The following SYT14 variants were observed in gnomAD, a reference collection of about 807,000 sequenced individuals.
SYT14 encodes synaptotagmin-14.
In SYT14, 32 loss-of-function variants were observed where a neutral mutation model predicts 74.2. That is an observed-to-expected ratio of 0.43 (90% CI 0.33 to 0.58). The LOEUF is 0.58. Among genes scored for constraint, SYT14 ranks in the 20% least tolerant of loss-of-function variants. SYT14 has a pLI of 0.05. For synonymous variants in SYT14, 298 were observed against 337.7 expected, an observed-to-expected ratio of 0.88 and a Z score of 1.29; for missense variants, 791 against 981.8, an observed-to-expected ratio of 0.81 and a Z score of 2.60.
At chr1:209,953,594 T>A (rs2078946416) in intron 2 of SYT14, among the ~76,000 whole-genome samples, 1 of 152,226 alleles carries the variant, frequency 6.6e-6, no homozygotes, top group Admixed American at 6.5e-5. Context: ...TACCTGGGTA[T>A]GAGAGGCATG....
chr1:210,088,934 G>A (rs1021945053), intron 5 of SYT14, among the ~76,000 whole-genome samples: 8 of 151,708 alleles, frequency 5.3e-5, no homozygotes, highest in African/African-American at 1.9e-4. Context: ...GAACATGCAG[G>A]TTTGTTACAT....
At chr1:209,973,268 AG>A (rs537737017) in intron 2 of SYT14, among the ~76,000 whole-genome samples, 23 of 151,802 alleles carry the variant, frequency 1.5e-4, no homozygotes, top group Non-Finnish European at 3.1e-4. Context: ...CGTGCAGGTT[AG>A]TTACACATGT....
intron 5 of SYT14, among the ~76,000 whole-genome samples, chr1:210,042,431 G>A (rs565158494): frequency 6.6e-6 from 1 of 152,152 alleles, no homozygotes; most frequent in Non-Finnish European, 1.5e-5. Flanking sequence ...TGAAGTCTTT[G>A]TCCATGCCTA....
At chr1:209,966,264 G>A (rs552655577) in intron 2 of SYT14, among the ~76,000 whole-genome samples, 2 of 152,034 alleles carry the variant, frequency 1.3e-5, no homozygotes, top group Non-Finnish European at 2.9e-5. Context: ...AACCATTCTT[G>A]AAGTGCAAGT....
chr1:210,076,417 A>G (rs1572257774), intron 5 of SYT14, among the ~76,000 whole-genome samples: 1 of 152,274 alleles, frequency 6.6e-6, no homozygotes, highest in Non-Finnish European at 1.5e-5. Flanking sequence ...TAAATCTTGT[A>G]CCCATGAGCA....
intron 1 of SYT14, among the ~76,000 whole-genome samples, chr1:209,944,823 A>G (rs1156532134): frequency 6.6e-6 from 1 of 152,104 alleles, no homozygotes; most frequent in Non-Finnish European, 1.5e-5. Context: ...AAAGTTAAAC[A>G]TTTATTTTGG....
chr1:210,058,010 A>T (rs958763935), intron 5 of SYT14, among the ~76,000 whole-genome samples: 1 of 152,232 alleles, frequency 6.6e-6, no homozygotes, highest in Non-Finnish European at 1.5e-5. Flanking sequence ...ATAGTGATGT[A>T]TAAGAAAGAT....
At chr1:210,071,228 A>G (rs1337743426) in intron 5 of SYT14, among the ~76,000 whole-genome samples, 2 of 99,780 alleles carry the variant, frequency 2.0e-5, no homozygotes, top group Middle Eastern at 5.7e-3. Context: ...ATTTGTATAT[A>G]TATGTATTGC....
intron 6 of SYT14, 130 bp downstream of exon 5, chr1:210,094,723 C>A: frequency 9.0e-7 from 1 of 1,109,974 alleles, no homozygotes; most frequent in Non-Finnish European, 1.3e-6. Context: ...CAGTATCCAT[C>A]CTTAATCTAA....
intron 7 of SYT14, among the ~76,000 whole-genome samples, chr1:210,100,837 GCCCCATATGTTA>G (rs2082051695): frequency 6.6e-6 from 1 of 151,918 alleles, no homozygotes; most frequent in Non-Finnish European, 1.5e-5. Context: ...AGAAGTATCA[GCCCCATATGTTA>G]TTTGCTGTAT....
At chr1:210,113,172 G>A (rs11119407) in intron 7 of SYT14, among the ~76,000 whole-genome samples, 66,812 of 150,916 alleles carry the variant, frequency 0.44, 17,299 homozygotes, top group Non-Finnish European at 0.57. Flanking sequence ...CCTGCACTTC[G>A]GCTGTGTGTA....
intron 5 of SYT14, among the ~76,000 whole-genome samples, chr1:210,032,294 A>G (rs1344449412): frequency 6.6e-6 from 1 of 152,064 alleles, no homozygotes; most frequent in African/African-American, 2.4e-5. Flanking sequence ...AAAATAATTA[A>G]ATAAGCAGTG....
chr1:210,091,592 A>C (rs1231403549), intron 5 of SYT14, among the ~76,000 whole-genome samples: 1 of 152,114 alleles, frequency 6.6e-6, no homozygotes, highest in African/African-American at 2.4e-5. Context: ...TGGGAGGCTG[A>C]GGAGGGAGGA....
intron 7 of SYT14, among the ~76,000 whole-genome samples, chr1:210,152,116 T>G (rs1348393992): frequency 6.6e-6 from 1 of 152,228 alleles, no homozygotes; most frequent in Admixed American, 6.5e-5. Context: ...ATATCCTAAT[T>G]GAAACTTACT....
chr1:210,109,575 T>C lies in SYT14; in HGVS notation c.2034+9114T>C, dbSNP rs528165394. 1.7e-4 allele frequency among the ~76,000 whole-genome samples: 11 copies of C among 65,996 alleles called. No individual in the cohort carries two copies. In the East Asian group the frequency reaches 9.9e-3, roughly 59 times the overall value. The allele number at this position is 65,996 out of a possible 152,430, so 43.3% of individuals were successfully genotyped here. ...CTTGGCAACAGAGCAAGACTCTGTCTCAAAAAAAAAAAAAAGAGAGAAAAA... is the reference window on the plus strand; with the variant it reads ...CTTGGCAACAGAGCAAGACTCTGTCCCAAAAAAAAAAAAAAGAGAGAAAAA... On this transcript the variant is annotated intron_variant, in intron 7 of 9. Transcript: ENST00000637265.
At chr1:209,992,535 G>A (rs1444922069) in intron 2 of SYT14, among the ~76,000 whole-genome samples, 3 of 152,214 alleles carry the variant, frequency 2.0e-5, no homozygotes, top group Admixed American at 6.5e-5. Flanking sequence ...TCAGTAGGAT[G>A]GAAGTGTGAG....
At chr1:210,032,601 C>T (rs902065258) in intron 5 of SYT14, among the ~76,000 whole-genome samples, 1 of 151,350 alleles carries the variant, frequency 6.6e-6, no homozygotes, top group African/African-American at 2.4e-5. Flanking sequence ...ATTAACTCCT[C>T]ATACCTGCTT....
chr1:210,168,390 T>C (rs940970649), exon 10 of SYT14: 2 of 152,204 alleles, frequency 1.3e-5, no homozygotes, highest in Admixed American at 1.3e-4. Context: ...TAAATCCAGT[T>C]TGTACTGTTA....
chr1:210,090,567 A>G (rs2102513459), intron 5 of SYT14, among the ~76,000 whole-genome samples: 1 of 152,320 alleles, frequency 6.6e-6, no homozygotes, highest in East Asian at 1.9e-4. Flanking sequence ...TAAAATGCTT[A>G]AAATATATCC....
Sources: gnomAD v4.1 joint callset for allele counts (sites outside exome capture counted in the v4.1 genomes callset) on GRCh38, gnomAD v4.1.1 for gene constraint, MANE v1.5 for transcripts, NCBI Gene and HGNC (gene_info 2026-07-23, HGNC 2026-07-21) for gene names.